The following COG5 variants were observed in gnomAD, a reference collection of about 807,000 sequenced individuals.
The protein encoded by COG5 is component of oligomeric golgi complex 5.
A neutral mutation model predicts 110.4 loss-of-function variants in COG5; 86 were observed. The ratio of observed to expected loss-of-function variants is 0.78; its 90% confidence interval spans 0.65 to 0.93. COG5 has a LOEUF of 0.93. Among genes scored for constraint, COG5 ranks in the 40% least tolerant of loss-of-function variants. The probability of loss-of-function intolerance (pLI) is 0.00; values close to 1 mark genes in which losing one functional copy is unlikely to be tolerated. For synonymous variants in COG5, 360 were observed against 334.6 expected, an observed-to-expected ratio of 1.08 and a Z score of -0.83; for missense variants, 1,077 against 987.0, an observed-to-expected ratio of 1.09 and a Z score of -1.22.
At chr7:107,272,384 T>C (rs1804349942) in intron 14 of COG5, among the ~76,000 whole-genome samples, 1 of 152,204 alleles carries the variant, frequency 6.6e-6, no homozygotes, top group Non-Finnish European at 1.5e-5. Flanking sequence ...CTGTTCATCT[T>C]ACATATGTTG....
intron 6 of COG5, among the ~76,000 whole-genome samples, chr7:107,505,467 G>A (rs1381403645): frequency 6.6e-6 from 1 of 152,190 alleles, no homozygotes; most frequent in Non-Finnish European, 1.5e-5. Context: ...CTTGGAAAGT[G>A]CTCCTCCTGT....
At chr7:107,475,231 G>A (rs1245789772) in intron 6 of COG5, 1 of 1,610,882 alleles carries the variant, frequency 6.2e-7, no homozygotes, top group Non-Finnish European at 8.5e-7. Context: ...TTCTATAGTA[G>A]AAGCTGATCC....
At chr7:107,316,784 A>T (rs965901961) in intron 11 of COG5, among the ~76,000 whole-genome samples, 1 of 106,892 alleles carries the variant, frequency 9.4e-6, no homozygotes, top group Non-Finnish European at 2.0e-5. Flanking sequence ...GTCAATGGAG[A>T]TGCACCACTG....
At chr7:107,493,413 C>T (rs1415337589) in intron 6 of COG5, among the ~76,000 whole-genome samples, 1 of 152,096 alleles carries the variant, frequency 6.6e-6, no homozygotes, top group Non-Finnish European at 1.5e-5. Context: ...TAAATATTAC[C>T]ACTATGAGTA....
At chr7:107,554,437 C>A in intron 2 of COG5, 95 bp from the exon 3 acceptor site, 1 of 1,097,582 alleles carries the variant, frequency 9.1e-7, no homozygotes, top group Non-Finnish European at 1.4e-6. Flanking sequence ...GGTGTAGAAA[C>A]GAGGCAAATA....
At chr7:107,521,604 A>T (rs563097220) in intron 6 of COG5, among the ~76,000 whole-genome samples, 2 of 152,342 alleles carry the variant, frequency 1.3e-5, no homozygotes, top group East Asian at 3.9e-4. Context: ...ACCTCACGCC[A>T]ATGGCAATTA....
chr7:107,276,093 G>A (rs888399355), intron 14 of COG5, among the ~76,000 whole-genome samples: 1 of 151,986 alleles, frequency 6.6e-6, no homozygotes, highest in Non-Finnish European at 1.5e-5. Flanking sequence ...GTTTCAAATG[G>A]TCTGCAACCT....
chr7:107,486,196 G>A (rs1347659754), intron 6 of COG5, among the ~76,000 whole-genome samples: 2 of 152,046 alleles, frequency 1.3e-5, no homozygotes, highest in Admixed American at 6.6e-5. Flanking sequence ...GTATGGAAGT[G>A]TATGGTGAAA....
chr7:107,251,189 T>A (rs1802478387), intron 16 of COG5, among the ~76,000 whole-genome samples: 1 of 150,848 alleles, frequency 6.6e-6, no homozygotes, highest in African/African-American at 2.4e-5. Flanking sequence ...ATAAGTAATG[T>A]CTTCTTATCA....
chr7:107,358,220 C>T (rs1281088513), intron 10 of COG5, among the ~76,000 whole-genome samples: 3 of 152,058 alleles, frequency 2.0e-5, no homozygotes. Context: ...AAAGGAATAA[C>T]AATATGCAAA....
At chr7:107,511,800 G>A (rs575189308) in intron 6 of COG5, among the ~76,000 whole-genome samples, 10 of 152,260 alleles carry the variant, frequency 6.6e-5, no homozygotes, top group Admixed American at 5.2e-4. Context: ...AAAACCACAC[G>A]ATTATCTCAA....
At chr7:107,478,114 T>C (rs957680641) in intron 6 of COG5, among the ~76,000 whole-genome samples, 3 of 152,016 alleles carry the variant, frequency 2.0e-5, no homozygotes, top group Admixed American at 1.3e-4. Flanking sequence ...AAGAAGCCCT[T>C]AGTAGCCCTT....
chr7:107,232,865 G>A (rs539514818), intron 18 of COG5, among the ~76,000 whole-genome samples: 12 of 152,222 alleles, frequency 7.9e-5, no homozygotes, highest in East Asian at 1.9e-4. Context: ...GAGAATGAGC[G>A]GTCAGCTGCA....
At chr7:107,402,755 C>CT (rs1469016074) in intron 7 of COG5, among the ~76,000 whole-genome samples, 1 of 152,132 alleles carries the variant, frequency 6.6e-6, no homozygotes, top group African/African-American at 2.4e-5. Flanking sequence ...GACAGACTGC[C>CT]TATAGAGTTG....
At chr7:107,406,972 A>G (rs1791897044) in intron 7 of COG5, among the ~76,000 whole-genome samples, 3 of 152,224 alleles carry the variant, frequency 2.0e-5, no homozygotes, top group Admixed American at 1.3e-4. Context: ...AACTATGCTA[A>G]TATCAATTTT....
intron 14 of COG5, among the ~76,000 whole-genome samples, chr7:107,277,130 A>T (rs1804759787): frequency 6.6e-6 from 1 of 152,244 alleles, no homozygotes; most frequent in Non-Finnish European, 1.5e-5. Flanking sequence ...AAAATATATT[A>T]TGCACGTATT....
intron 11 of COG5, among the ~76,000 whole-genome samples, chr7:107,318,901 A>G (rs1010350823): frequency 2.2e-4 from 34 of 152,210 alleles, no homozygotes; most frequent in Non-Finnish European, 1.5e-5. Flanking sequence ...AATGTTTCAC[A>G]TATTTTCAAC....
chr7:107,362,829 C>A (rs918498020), intron 8 of COG5, among the ~76,000 whole-genome samples: 3 of 146,284 alleles, frequency 2.1e-5, no homozygotes, highest in East Asian at 2.0e-4. Flanking sequence ...AAAAAAAAAA[C>A]CCTAAAACTG....
intron 6 of COG5, among the ~76,000 whole-genome samples, chr7:107,478,276 A>C (rs1414110695): frequency 2.6e-5 from 4 of 151,994 alleles, no homozygotes; most frequent in African/African-American, 9.7e-5. Context: ...CTTATTGTGA[A>C]GGTAGAATTA....
Sources: allele counts gnomAD v4.1 joint callset (sites outside exome capture counted in the v4.1 genomes callset), GRCh38; gene constraint gnomAD v4.1.1; transcripts MANE v1.5; gene names NCBI Gene and HGNC (gene_info 2026-07-23, HGNC 2026-07-21).